DIAPH3: variants seen among roughly 807,000 people sequenced by gnomAD.
The protein encoded by DIAPH3 is diaphanous related formin 3, also known as protein diaphanous homolog 3.
DIAPH3 carries 117 observed loss-of-function variants against 144.3 expected under a neutral mutation model. The ratio of observed to expected loss-of-function variants is 0.81; its 90% CI spans 0.70 to 0.95. The LOEUF (loss-of-function observed/expected upper bound fraction) is 0.95. Among genes scored for constraint, DIAPH3 ranks in the 40% least tolerant of loss-of-function variants. The probability of loss-of-function intolerance (pLI) is 0.00; values close to 1 mark genes in which losing one functional copy is unlikely to be tolerated. For synonymous variants in DIAPH3, 519 were observed against 488.9 expected, an observed-to-expected ratio of 1.06 and a Z score of -0.81; for missense variants, 1,421 against 1,412.7, an observed-to-expected ratio of 1.01 and a Z score of -0.09.
intron 3 of DIAPH3, among the ~76,000 whole-genome samples, chr13:60,104,566 GCACACACACA>G (rs10633554): frequency 3.4e-5 from 5 of 147,124 alleles, no homozygotes; most frequent in South Asian, 4.3e-4. Flanking sequence ...CAGTATCAAG[GCACACACACA>G]CACACACACA....
At chr13:59,999,056 G>A (rs966024989) in intron 9 of DIAPH3, among the ~76,000 whole-genome samples, 1 of 152,012 alleles carries the variant, frequency 6.6e-6, no homozygotes, top group African/African-American at 2.4e-5. Flanking sequence ...ACTTGGTCTT[G>A]GGCATAATAA....
chr13:59,805,092 T>C (rs1326804087), intron 25 of DIAPH3, among the ~76,000 whole-genome samples: 2 of 152,090 alleles, frequency 1.3e-5, no homozygotes, highest in Non-Finnish European at 1.5e-5. Flanking sequence ...GACATTTAAG[T>C]CTAATAAATA....
intron 17 of DIAPH3, among the ~76,000 whole-genome samples, chr13:59,945,634 GC>G (rs2048758043): frequency 6.8e-6 from 1 of 146,570 alleles, no homozygotes; most frequent in South Asian, 2.1e-4. Flanking sequence ...AAAAAAAAAA[GC>G]CACACTAGCA....
At chr13:60,028,596 A>G (rs1433947423) in intron 5 of DIAPH3, among the ~76,000 whole-genome samples, 1 of 152,016 alleles carries the variant, frequency 6.6e-6, no homozygotes, top group African/African-American at 2.4e-5. Context: ...GCTCACCTGT[A>G]TCTTTAGCTT....
chr13:59,824,505 T>C (rs995470271), intron 24 of DIAPH3, among the ~76,000 whole-genome samples: 1 of 152,150 alleles, frequency 6.6e-6, no homozygotes, highest in South Asian at 2.1e-4. Context: ...AACAAATGAA[T>C]TGGCTGAGGC....
At chr13:60,056,730 A>G (rs1473838449) in intron 4 of DIAPH3, among the ~76,000 whole-genome samples, 1 of 151,808 alleles carries the variant, frequency 6.6e-6, no homozygotes, top group African/African-American at 2.4e-5. Flanking sequence ...TGATAGGGAC[A>G]AAAAAGGACA....
intron 15 of DIAPH3, among the ~76,000 whole-genome samples, chr13:59,971,462 T>A (rs2050372513): frequency 6.6e-6 from 1 of 152,116 alleles, no homozygotes; most frequent in South Asian, 2.1e-4. Context: ...CTAGAAGATT[T>A]GAAAATCAGT....
intron 20 of DIAPH3, among the ~76,000 whole-genome samples, chr13:59,890,812 T>C (rs1034205571): frequency 1.3e-5 from 2 of 152,042 alleles, no homozygotes; most frequent in Non-Finnish European, 2.9e-5. Flanking sequence ...GTAAATAGTA[T>C]GTATATAACC....
rs1225650591 is a variant in DIAPH3, at chr13:60,077,181, G to A, written c.495+16447C>T. The stretch of plus-strand genomic sequence containing the variant: ...TTCTAATCATTTTATTTTGATTACT[G>A]AAACAACCTTTGTGTCCTAAAAAAA... On this transcript the variant is annotated intron_variant, in intron 4 of 27. Transcript: ENST00000400324. 5.3e-5 allele frequency among the ~76,000 whole-genome samples: 8 copies of A among 151,740 alleles called. No individual in the cohort carries two copies. The South Asian group carries it at 1.7e-3, about 32-fold the overall frequency.
intron 17 of DIAPH3, among the ~76,000 whole-genome samples, chr13:59,962,076 C>T (rs1011420157): frequency 2.0e-5 from 3 of 151,996 alleles, no homozygotes; most frequent in African/African-American, 7.2e-5. Flanking sequence ...TGTATTGGTT[C>T]TTTGAATTAA....
intron 3 of DIAPH3, among the ~76,000 whole-genome samples, chr13:60,111,662 A>G (rs762199839): frequency 7.9e-5 from 12 of 151,586 alleles, no homozygotes; most frequent in Non-Finnish European, 1.5e-4. Flanking sequence ...CATCTCCACC[A>G]CCCCCCAAAC....
intron 27 of DIAPH3, among the ~76,000 whole-genome samples, chr13:59,715,640 G>C (rs1356348046): frequency 1.3e-5 from 2 of 152,086 alleles, no homozygotes; most frequent in African/African-American, 4.8e-5. Flanking sequence ...CCCCTGTTCA[G>C]AGGGGAGAGG....
chr13:59,851,454 C>T (rs1051639551), intron 22 of DIAPH3, among the ~76,000 whole-genome samples: 11 of 152,150 alleles, frequency 7.2e-5, no homozygotes, highest in Admixed American at 5.2e-4. Flanking sequence ...AAAAACCCTG[C>T]CCTGGCATGC....
At chr13:59,773,403 C>T (rs1365294020) in intron 27 of DIAPH3, among the ~76,000 whole-genome samples, 2 of 152,152 alleles carry the variant, frequency 1.3e-5, no homozygotes, top group Non-Finnish European at 2.9e-5. Context: ...ACCCAAAAAA[C>T]TCATACAAAA....
intron 25 of DIAPH3, among the ~76,000 whole-genome samples, chr13:59,791,012 C>T (rs2039299645): frequency 6.6e-6 from 1 of 152,104 alleles, no homozygotes; most frequent in East Asian, 1.9e-4. Context: ...CTCTGTTGCC[C>T]TAGGCTGGAG....
At chr13:60,163,548 G>A (rs1318284617) in intron 1 of DIAPH3, 39 bp downstream of exon 1, 5 of 1,568,118 alleles carry the variant, frequency 3.2e-6, no homozygotes, top group Non-Finnish European at 4.3e-6. Context: ...CCTACGGCGG[G>A]GCGGGAGCGG....
At chr13:59,773,104 C>T (rs2038209096) in intron 27 of DIAPH3, among the ~76,000 whole-genome samples, 1 of 152,108 alleles carries the variant, frequency 6.6e-6, no homozygotes, top group Non-Finnish European at 1.5e-5. Flanking sequence ...GTGAACTTCT[C>T]TTATTCCAAC....
intron 24 of DIAPH3, among the ~76,000 whole-genome samples, chr13:59,817,989 T>A (rs562224937): frequency 6.6e-6 from 1 of 152,002 alleles, no homozygotes; most frequent in Admixed American, 6.6e-5. Context: ...TATGGCTTCC[T>A]GTCTCTCAAT....
At chr13:60,065,033 G>A (rs2056901771) in intron 4 of DIAPH3, among the ~76,000 whole-genome samples, 1 of 152,034 alleles carries the variant, frequency 6.6e-6, no homozygotes, top group South Asian at 2.1e-4. Context: ...ACATGGGTGT[G>A]GTTTGTGGCA....
Sources: gnomAD v4.1 joint callset for allele counts (sites outside exome capture counted in the v4.1 genomes callset) on GRCh38, gnomAD v4.1.1 for gene constraint, MANE v1.5 for transcripts, NCBI Gene and HGNC (gene_info 2026-07-23, HGNC 2026-07-21) for gene names.